Variants in SPTLC2 observed in about 807,000 individuals in gnomAD.
The protein encoded by SPTLC2 is serine palmitoyltransferase 2.
In SPTLC2, 21 loss-of-function variants were observed where a neutral mutation model predicts 62.0. The ratio of observed to expected loss-of-function variants is 0.34; its 90% CI spans 0.24 to 0.49. The LOEUF is 0.49. SPTLC2 is among the 20% of genes least tolerant of loss of function. The probability of loss-of-function intolerance (pLI) is 0.99; values close to 1 mark genes in which losing one functional copy is unlikely to be tolerated. For missense variants in SPTLC2, 511 were observed against 713.0 expected (o/e 0.72, Z 3.23); for synonymous variants, 261 against 261.8 (o/e 1.00, Z 0.03).
intron 2 of SPTLC2, among the ~76,000 whole-genome samples, chr14:77,586,171 G>T (rs1194043737): frequency 6.6e-6 from 1 of 151,494 alleles, no homozygotes; most frequent in Non-Finnish European, 1.5e-5. Context: ...CGCCTCCTGG[G>T]TTCAAGCAAT....
intron 5 of SPTLC2, among the ~76,000 whole-genome samples, chr14:77,565,639 A>G (rs1458064955): frequency 6.6e-6 from 1 of 152,232 alleles, no homozygotes; most frequent in Non-Finnish European, 1.5e-5. Flanking sequence ...CTTCAGAAGT[A>G]TTAAGGTCAT....
At chr14:77,530,391 C>A (rs980178196) in intron 9 of SPTLC2, among the ~76,000 whole-genome samples, 1 of 152,068 alleles carries the variant, frequency 6.6e-6, no homozygotes, top group Non-Finnish European at 1.5e-5. Flanking sequence ...TGCAGCGGCA[C>A]GATCTCAGCT....
chr14:77,556,992 G>T, intron 7 of SPTLC2, 49 bp downstream of exon 7: 2 of 1,515,460 alleles, frequency 1.3e-6, no homozygotes, highest in South Asian at 1.1e-5. Flanking sequence ...AAAATTCTAT[G>T]ACTTCATGGG....
intron 1 of SPTLC2, among the ~76,000 whole-genome samples, chr14:77,611,456 G>A (rs995441112): frequency 2.4e-3 from 85 of 36,110 alleles, no homozygotes; most frequent in East Asian, 0.015. Flanking sequence ...ACCCTATCTC[G>A]CCAAAAAAAA....
chr14:77,606,123 A>G (rs140318942), intron 1 of SPTLC2, among the ~76,000 whole-genome samples: 96 of 152,256 alleles, frequency 6.3e-4, no homozygotes, highest in African/African-American at 2.2e-3. Context: ...TGAGGTCAGG[A>G]CTTCGAGACC....
At chr14:77,609,804 T>C (rs111457375) in intron 1 of SPTLC2, among the ~76,000 whole-genome samples, 15,283 of 151,944 alleles carry the variant, frequency 0.1, 815 homozygotes, top group Middle Eastern at 0.19. Flanking sequence ...GGTGGGAGGA[T>C]TGATTGAGCC....
At chr14:77,553,751 T>A (rs1208400403) in intron 8 of SPTLC2, among the ~76,000 whole-genome samples, 13 of 84,388 alleles carry the variant, frequency 1.5e-4, no homozygotes, top group South Asian at 8.7e-4. Context: ...AAAAAAAAAA[T>A]CTATCAAAGC....
At chr14:77,575,060 T>C (rs1165367544) in intron 4 of SPTLC2, among the ~76,000 whole-genome samples, 1 of 151,972 alleles carries the variant, frequency 6.6e-6, no homozygotes. Flanking sequence ...TCTACAAAAA[T>C]CACATTAAAA....
At chr14:77,607,242 C>T (rs1427497505) in intron 1 of SPTLC2, among the ~76,000 whole-genome samples, 2 of 152,164 alleles carry the variant, frequency 1.3e-5, no homozygotes, top group Non-Finnish European at 2.9e-5. Flanking sequence ...TCTCTTCCTC[C>T]TCATTTGACT....
intron 5 of SPTLC2, 97 bp downstream of exon 5, chr14:77,570,286 GC>G (rs2079673743): frequency 1.4e-6 from 2 of 1,450,114 alleles, no homozygotes; most frequent in Admixed American, 1.7e-5. Context: ...ACTATGTTTA[GC>G]CTAAAGTTTA....
rs60014262 is a variant in SPTLC2, at chr14:77,602,548, C to CT, written c.133-5169dup. On this transcript the variant is annotated intron_variant, in intron 1 of 11. Transcript: ENST00000216484. Reference sequence around the variant, plus strand: ...TTAAGGAGGTTGAAAAGGTTTGTTTCTTTTTTTTTTTTTTTTCTATTGACA... The same window carrying CT: ...TTAAGGAGGTTGAAAAGGTTTGTTTCTTTTTTTTTTTTTTTTTCTATTGACA... Among the ~76,000 whole-genome samples, 1,022 of 137,472 alleles carry CT rather than the reference C, an allele frequency of 7.4e-3. 10 individuals carry two copies. Among genetic ancestry groups the CT allele is most frequent in the African/African-American group, 0.02 (778 of 38,098 alleles). 90.2% of individuals were successfully genotyped at this position (137,472 alleles called of 152,430 possible). A position where few individuals can be genotyped will look rare whatever the true frequency, so the allele number is the denominator to read the frequency against.
At chr14:77,515,373 G>A (rs2079353450) in intron 11 of SPTLC2, among the ~76,000 whole-genome samples, 1 of 152,060 alleles carries the variant, frequency 6.6e-6, no homozygotes, top group Non-Finnish European at 1.5e-5. Context: ...TCTGTAGGTT[G>A]CTATACTGCC....
At chr14:77,568,531 G>A (rs1160187825) in intron 5 of SPTLC2, among the ~76,000 whole-genome samples, 1 of 151,610 alleles carries the variant, frequency 6.6e-6, no homozygotes, top group African/African-American at 2.4e-5. Context: ...GGTTAGGGCA[G>A]GGCACAGTGG....
intron 2 of SPTLC2, among the ~76,000 whole-genome samples, chr14:77,584,091 C>T (rs1410305909): frequency 1.3e-5 from 2 of 152,178 alleles, no homozygotes; most frequent in African/African-American, 4.8e-5. Flanking sequence ...AAGACCTTAT[C>T]AAAAGTAGTC....
In SPTLC2 at chr14:77,507,331, CCTT is replaced by C. The variant is rs1258522357; in HGVS notation, c.*4950_*4952del. The C allele has an allele frequency of 6.8e-6, 1 of 146,738 alleles. No individual in the cohort carries two copies. Among genetic ancestry groups the C allele is most frequent in the Non-Finnish European group, 1.5e-5 (1 of 67,766 alleles). 9.1% of individuals were successfully genotyped at this position (146,738 alleles called of 1,614,324 possible). A position where few individuals can be genotyped will look rare whatever the true frequency, so the allele number is the denominator to read the frequency against. ...GGCAATGGCTAGGGGCCTGGGCACA[CCTT>C]TTTTTTTTTTTTTTGAGACAGAGTC... On this transcript the variant is annotated 3_prime_UTR_variant, in exon 12 of 12. Coordinates refer to ENST00000216484, the MANE Select transcript of SPTLC2 (RefSeq NM_004863.4).
At chr14:77,604,556 G>A (rs186895893) in intron 1 of SPTLC2, among the ~76,000 whole-genome samples, 1 of 152,084 alleles carries the variant, frequency 6.6e-6, no homozygotes, top group Non-Finnish European at 1.5e-5. Context: ...AACTTTAAGG[G>A]CTTCAAGAAA....
intron 6 of SPTLC2, among the ~76,000 whole-genome samples, chr14:77,559,833 G>T (rs1245149516): frequency 6.6e-6 from 1 of 152,110 alleles, no homozygotes; most frequent in Admixed American, 6.6e-5. Flanking sequence ...CAAGGCTGTG[G>T]TGAGTTGTGG....
chr14:77,570,316 TCTGA>T, intron 5 of SPTLC2, 64 bp downstream of exon 5: 1 of 1,587,818 alleles, frequency 6.3e-7, no homozygotes, highest in South Asian at 1.1e-5. Flanking sequence ...TTTAGCTCAC[TCTGA>T]CTGCTTTTCA....
intron 2 of SPTLC2, among the ~76,000 whole-genome samples, chr14:77,596,288 G>A (rs1006578630): frequency 6.6e-6 from 1 of 151,392 alleles, no homozygotes; most frequent in African/African-American, 2.4e-5. Context: ...GCAGTGAGCC[G>A]AGACCGAGCC....
Sources: allele counts gnomAD v4.1 joint callset (sites outside exome capture counted in the v4.1 genomes callset), GRCh38; gene constraint gnomAD v4.1.1; transcripts MANE v1.5; gene names NCBI Gene and HGNC (gene_info 2026-07-23, HGNC 2026-07-21).